The following EXPH5 variants were observed in gnomAD, a reference collection of about 807,000 sequenced individuals.
EXPH5 encodes exophilin 5, also known as exophilin-5.
Under a neutral mutation model 41.1 loss-of-function variants are expected in EXPH5, and 42 were observed. The ratio of observed to expected loss-of-function variants is 1.02; its 90% CI spans 0.80 to 1.32. EXPH5 has a LOEUF of 1.32. Ranked by LOEUF, EXPH5 falls within the 40% of genes most tolerant of loss-of-function variation. The probability of loss-of-function intolerance (pLI) is 0.00; values close to 1 mark genes in which losing one functional copy is unlikely to be tolerated. For synonymous variants in EXPH5, 798 were observed against 833.5 expected (o/e 0.96, Z 0.73); for missense variants, 2,298 against 2,314.5 (o/e 0.99, Z 0.15).
At chr11:108,537,811 A>G (rs1450973154) in intron 3 of EXPH5, among the ~76,000 whole-genome samples, 1 of 152,244 alleles carries the variant, frequency 6.6e-6, no homozygotes, top group Non-Finnish European at 1.5e-5. Flanking sequence ...GATACAAATG[A>G]TATCACAAAT....
chr11:108,565,144 G>T lies in EXPH5; in HGVS notation c.120-23332C>A, dbSNP rs568600840. Among the ~76,000 whole-genome samples the T allele has an allele frequency of 2.6e-5, 4 of 152,156 alleles. No homozygotes were observed. The East Asian group carries it at 7.7e-4, about 29-fold the overall frequency. On this transcript the variant is annotated intron_variant, in intron 1 of 5. Coordinates refer to ENST00000265843, the MANE Select transcript of EXPH5 (RefSeq NM_015065.3). The stretch of plus-strand genomic sequence containing the variant: ...TGGTGTCAAACTCCTGACCTCAGGT[G>T]ATCCGCCCACCTCCACCTCCCAAAG...
At chr11:108,573,753 G>A (rs1187007624) in intron 1 of EXPH5, among the ~76,000 whole-genome samples, 1 of 152,096 alleles carries the variant, frequency 6.6e-6, no homozygotes, top group Non-Finnish European at 1.5e-5. Context: ...TTAAGACGAA[G>A]TGAATATTAC....
intron 1 of EXPH5, among the ~76,000 whole-genome samples, chr11:108,574,049 T>G (rs962856473): frequency 1.3e-5 from 2 of 150,510 alleles, no homozygotes; most frequent in African/African-American, 4.9e-5. Flanking sequence ...CTACAGGCGT[T>G]CGCCACCACG....
the EXPH5 span, among the ~76,000 whole-genome samples, chr11:108,599,933 T>G: frequency 9.2e-5 from 14 of 152,346 alleles, no homozygotes; most frequent in East Asian, 2.7e-3. Flanking sequence ...GTAACTCACT[T>G]CTTCATAAGC....
chr11:108,509,606 A>G lies in EXPH5; in HGVS notation c.5901T>C (p.Asp1967=). Residue 1967 remains aspartate, a synonymous_variant, in exon 6 of 6, where the codon GAT becomes GAC. Coordinates refer to ENST00000265843, the MANE Select transcript of EXPH5 (RefSeq NM_015065.3). The stretch of plus-strand genomic sequence containing the variant: ...CATCTGTGGTTGTGTCTGTGTCACA[A>G]TCTGAGTCCACTGGGTCATCCTCAT... The part of the protein sequence containing the change: ...NIYEDDPVDS[D]CDTDTTTDDE... 1.9e-6 allele frequency: 3 copies of G among 1,607,124 alleles called. No individual in the cohort carries two copies. Among genetic ancestry groups the G allele is most frequent in the South Asian group, 1.1e-5 (1 of 89,090 alleles).
chr11:108,565,528 C>T lies in EXPH5; in HGVS notation c.120-23716G>A, dbSNP rs141920867. Among the ~76,000 whole-genome samples, 762 of 152,192 alleles carry T rather than the reference C, an allele frequency of 5.0e-3. 19 individuals carry two copies. Among genetic ancestry groups the T allele is most frequent in the Non-Finnish European group, 2.9e-3 (199 of 67,992 alleles). On this transcript the variant is annotated intron_variant, in intron 1 of 5. Transcript: ENST00000265843. ...ACTACAAAGAGAGGAATAATGTGGC[C>T]GAACCACACAGACATTAGTGTCATA...
At chr11:108,557,473 A>G (rs559108646) in intron 1 of EXPH5, among the ~76,000 whole-genome samples, 1 of 152,244 alleles carries the variant, frequency 6.6e-6, no homozygotes, top group South Asian at 2.1e-4. Context: ...CCTCCCTAGC[A>G]TAGCTGGGAT....
chr11:108,553,972 A>G (rs754845854), intron 1 of EXPH5, among the ~76,000 whole-genome samples: 50 of 152,202 alleles, frequency 3.3e-4, no homozygotes, highest in Non-Finnish European at 5.6e-4. Flanking sequence ...ATGAAGGTAG[A>G]TAATATTATC....
At chr11:108,566,871 C>T (rs1025575865) in intron 1 of EXPH5, among the ~76,000 whole-genome samples, 6 of 152,202 alleles carry the variant, frequency 3.9e-5, no homozygotes, top group African/African-American at 7.2e-5. Flanking sequence ...GGTCTTTTGC[C>T]GGTCACTCAA....
At position 108,551,292 on chromosome 11, in the gene EXPH5, A is replaced by C. The variant is rs149615651; in HGVS notation, c.120-9480T>G. Among the ~76,000 whole-genome samples the C allele has an allele frequency of 1.4e-4, 21 of 152,342 alleles. No individual in the cohort carries two copies. In the East Asian group the frequency reaches 3.7e-3, roughly 27 times the overall value. ...ATGCAATTGATACAAACTTACAGTGACTTTTGCCAATTAAACAGGCAGTAA... is the reference window on the plus strand; with the variant it reads ...ATGCAATTGATACAAACTTACAGTGCCTTTTGCCAATTAAACAGGCAGTAA... On this transcript the variant is annotated intron_variant, in intron 1 of 5. Transcript: ENST00000265843.
At position 108,512,099 on chromosome 11, in the gene EXPH5, T is replaced by G. The variant is rs1231280925; in HGVS notation, c.3408A>C (p.Arg1136Ser). The change falls in exon 6 of 6, where the codon AGA becomes AGC. Residue 1136 changes from arginine to serine, a missense_variant. Transcript: ENST00000265843. ...PSGEPHASTG[R>S]EGRKKPLTSG... Reference sequence around the variant, plus strand: ...AGGTCAATGGCTTTTTTCTTCCTTCTCTTCCAGTTGAGGCATGTGGCTCCC... The same window carrying G: ...AGGTCAATGGCTTTTTTCTTCCTTCGCTTCCAGTTGAGGCATGTGGCTCCC... 6.2e-7 allele frequency: 1 copy of G among 1,613,538 alleles called. No individual in the cohort carries two copies. Among genetic ancestry groups the G allele is most frequent in the Non-Finnish European group, 8.5e-7 (1 of 1,179,840 alleles).
intron 1 of EXPH5, among the ~76,000 whole-genome samples, chr11:108,559,316 CA>C (rs1368692516): frequency 6.6e-6 from 1 of 152,218 alleles, no homozygotes; most frequent in Non-Finnish European, 1.5e-5. Context: ...GATGCTCAGA[CA>C]TCTTCCACTG....
intron 1 of EXPH5, among the ~76,000 whole-genome samples, chr11:108,548,983 A>T (rs895849341): frequency 1.3e-5 from 2 of 151,482 alleles, no homozygotes; most frequent in Non-Finnish European, 3.0e-5. Flanking sequence ...ACAGAATTCA[A>T]CCAACTTCAT....
chr11:108,577,517 A>G (rs949461284), intron 1 of EXPH5, among the ~76,000 whole-genome samples: 6 of 151,686 alleles, frequency 4.0e-5, no homozygotes, highest in Admixed American at 2.0e-4. Flanking sequence ...TCTGCCTCCC[A>G]GGTTCAAGTG....
chr11:108,563,307 C>T (rs1180035436), intron 1 of EXPH5, among the ~76,000 whole-genome samples: 2 of 152,192 alleles, frequency 1.3e-5, no homozygotes, highest in African/African-American at 2.4e-5. Flanking sequence ...TCAATCAGCC[C>T]TCATTTCCAG....
In EXPH5 at chr11:108,511,289, G is replaced by A. The variant is rs201753150; in HGVS notation, c.4218C>T (p.Ser1406=). ...GTTGACAATTTTCAGATTTTTCTTCGGATACATTTTTTCTCTGAAGCATCA... is the reference window on the plus strand; with the variant it reads ...GTTGACAATTTTCAGATTTTTCTTCAGATACATTTTTTCTCTGAAGCATCA... ...TSLMLQRKNV[S]EEKSENCQQS... The change falls in exon 6 of 6, where the codon TCC becomes TCT. Residue 1406 remains serine, a synonymous_variant. Coordinates refer to ENST00000265843, the MANE Select transcript of EXPH5 (RefSeq NM_015065.3). 175 of 1,603,036 alleles carry A rather than the reference G, an allele frequency of 1.1e-4. 1 individual carries two copies. The highest frequency in any genetic ancestry group is 6.3e-4 in the African/African-American group (47 of 74,270).
chr11:108,512,882 A>G lies in EXPH5; in HGVS notation c.2625T>C (p.Asp875=), dbSNP rs115050119. ...GTGCAGCTGATGACAGATCTAAAGA[A>G]TCACACGAGGTCTTGTGGCCAGGAG... ...KLTPGHKTSC[D]SLDLSSAALP... The change falls in exon 6 of 6, where the codon GAT becomes GAC. Residue 875 remains aspartate, a synonymous_variant. Transcript: ENST00000265843. The G allele has an allele frequency of 6.2e-6, 10 of 1,614,114 alleles. No individual in the cohort carries two copies. The East Asian group carries it at 2.2e-4, about 36-fold the overall frequency.
In EXPH5 at chr11:108,506,022, C is replaced by G. The variant is rs2093642427; in HGVS notation, c.*3515G>C. On this transcript the variant is annotated 3_prime_UTR_variant, in exon 6 of 6. Transcript: ENST00000265843. ...TAACTTCATTAAACCCTATTTTAAA[C>G]AGACTTTACAGTATAAAATTTATGG... is the stretch of plus-strand genomic sequence containing the variant. The G allele has an allele frequency of 6.6e-6, 1 of 152,046 alleles. No individual in the cohort carries two copies. The highest frequency in any genetic ancestry group is 1.5e-5 in the Non-Finnish European group (1 of 68,022). The allele number at this position is 152,046 out of a possible 1,614,324, so 9.4% of individuals were successfully genotyped here. A position where few individuals can be genotyped will look rare whatever the true frequency, so the allele number is the denominator to read the frequency against.
rs1194500790 is a variant in EXPH5 at position 108,506,670 on chromosome 11, A to G, written c.*2867T>C. 2 of 152,218 alleles carry G rather than the reference A, an allele frequency of 1.3e-5. No individual in the cohort carries two copies. Among genetic ancestry groups the G allele is most frequent in the Admixed American group, 6.5e-5 (1 of 15,282 alleles). 9.4% of individuals were successfully genotyped at this position (152,218 alleles called of 1,614,324 possible). A position where few individuals can be genotyped will look rare whatever the true frequency, so the allele number is the denominator to read the frequency against. On this transcript the variant is annotated 3_prime_UTR_variant, in exon 6 of 6. Coordinates refer to ENST00000265843, the MANE Select transcript of EXPH5 (RefSeq NM_015065.3). ...TAAAATTGCATAGAAAATGTAGGTC[A>G]TGGTTTATTAAAGTTTTACTTAAAT...
Sources: gnomAD v4.1 joint callset for allele counts (sites outside exome capture counted in the v4.1 genomes callset) on GRCh38, gnomAD v4.1.1 for gene constraint, MANE v1.5 for transcripts, NCBI Gene and HGNC (gene_info 2026-07-23, HGNC 2026-07-21) for gene names.